Variants in POU6F2 observed in about 807,000 individuals in gnomAD.
The protein encoded by POU6F2 is POU domain, class 6, transcription factor 2.
Under a neutral mutation model 71.3 loss-of-function variants are expected in POU6F2, and 31 were observed. That is an observed-to-expected ratio of 0.43 (90% CI 0.33 to 0.59). POU6F2 has a LOEUF of 0.59. Ranked by LOEUF, POU6F2 falls within the 20% of genes least tolerant of loss-of-function variation. POU6F2 has a pLI of 0.04. For missense variants in POU6F2, 783 were observed against 856.8 expected (o/e 0.91, Z 1.07); for synonymous variants, 347 against 355.7 (o/e 0.98, Z 0.27).
At chr7:39,443,138 G>C (rs1026808164) in intron 7 of POU6F2, among the ~76,000 whole-genome samples, 9 of 152,146 alleles carry the variant, frequency 5.9e-5, no homozygotes, top group Non-Finnish European at 1.2e-4. Flanking sequence ...TCCTACTGCA[G>C]CAACATATGG....
chr7:39,334,734 TG>T (rs1785730400), intron 4 of POU6F2, among the ~76,000 whole-genome samples: 1 of 152,322 alleles, frequency 6.6e-6, no homozygotes, highest in South Asian at 2.1e-4. Context: ...TGGGCATGTG[TG>T]GATGTTCCAT....
intron 7 of POU6F2, among the ~76,000 whole-genome samples, chr7:39,443,599 C>T (rs998463416): frequency 5.9e-5 from 9 of 152,272 alleles, no homozygotes; most frequent in South Asian, 2.1e-4. Context: ...CATGAGAACA[C>T]GCAATCAAGC....
intron 5 of POU6F2, among the ~76,000 whole-genome samples, chr7:39,369,453 T>A (rs1392646640): frequency 1.3e-5 from 2 of 150,038 alleles, no homozygotes; most frequent in Admixed American, 6.7e-5. Flanking sequence ...CCTCGCCTCC[T>A]GGGTTTAAGG....
At chr7:39,088,948 C>G (rs1791310333) in intron 2 of POU6F2, among the ~76,000 whole-genome samples, 1 of 152,170 alleles carries the variant, frequency 6.6e-6, no homozygotes, top group Non-Finnish European at 1.5e-5. Context: ...CCAGGAACCA[C>G]TGGGCCTTTT....
At chr7:39,337,412 TA>T (rs1371580461) in intron 4 of POU6F2, among the ~76,000 whole-genome samples, 1 of 152,184 alleles carries the variant, frequency 6.6e-6, no homozygotes, top group Non-Finnish European at 1.5e-5. Context: ...GAAACCATCA[TA>T]AAAGGGAATA....
At chr7:38,983,944 G>A (rs1460634688) in intron 1 of POU6F2, among the ~76,000 whole-genome samples, 1 of 152,060 alleles carries the variant, frequency 6.6e-6, no homozygotes, top group Non-Finnish European at 1.5e-5. Context: ...TGTTTTATCA[G>A]TAGCTTTAAA....
chr7:39,323,651 T>C (rs929865790), intron 4 of POU6F2, among the ~76,000 whole-genome samples: 1 of 152,236 alleles, frequency 6.6e-6, no homozygotes, highest in Non-Finnish European at 1.5e-5. Context: ...CTGAGAGATA[T>C]CATATTCCCT....
At chr7:39,277,936 A>T (rs1332555553) in intron 4 of POU6F2, among the ~76,000 whole-genome samples, 4 of 152,202 alleles carry the variant, frequency 2.6e-5, no homozygotes, top group Non-Finnish European at 5.9e-5. Context: ...ACGCGCCTGT[A>T]GTCCCAGCTA....
At chr7:39,149,920 C>G (rs1792714072) in intron 2 of POU6F2, among the ~76,000 whole-genome samples, 1 of 145,160 alleles carries the variant, frequency 6.9e-6, no homozygotes, top group Admixed American at 7.1e-5. Flanking sequence ...GAGTCTCGCT[C>G]TGTCGCCCAG....
intron 4 of POU6F2, among the ~76,000 whole-genome samples, chr7:39,263,314 C>T (rs935029475): frequency 6.6e-6 from 1 of 152,042 alleles, no homozygotes; most frequent in African/African-American, 2.4e-5. Context: ...TTTGGTGTTC[C>T]TCCTTTCAAT....
chr7:39,352,695 T>C (rs1317120761), intron 5 of POU6F2, among the ~76,000 whole-genome samples: 2 of 152,218 alleles, frequency 1.3e-5, no homozygotes, highest in Non-Finnish European at 2.9e-5. Context: ...ATTTACTTTA[T>C]AATAATTGGA....
chr7:39,073,387 A>T (rs1790927652), intron 1 of POU6F2, among the ~76,000 whole-genome samples: 1 of 152,024 alleles, frequency 6.6e-6, no homozygotes, highest in African/African-American at 2.4e-5. Flanking sequence ...AAAAAAAAAA[A>T]AAAAAAAACC....
At chr7:39,058,201 G>A (rs1790575334) in intron 1 of POU6F2, among the ~76,000 whole-genome samples, 1 of 152,172 alleles carries the variant, frequency 6.6e-6, no homozygotes, top group Non-Finnish European at 1.5e-5. Flanking sequence ...CAAGTTATCT[G>A]CAGTTCTGTC....
At chr7:39,329,916 A>G (rs1785603275) in intron 4 of POU6F2, among the ~76,000 whole-genome samples, 1 of 152,250 alleles carries the variant, frequency 6.6e-6, no homozygotes, top group Non-Finnish European at 1.5e-5. Flanking sequence ...AGTGCCTAAA[A>G]CATAGGAATT....
intron 2 of POU6F2, among the ~76,000 whole-genome samples, chr7:39,087,666 A>G (rs1406554071): frequency 1.3e-5 from 2 of 152,166 alleles, no homozygotes; most frequent in Non-Finnish European, 2.9e-5. Flanking sequence ...AAGCACTTTG[A>G]CTTTTAAAAA....
intron 4 of POU6F2, among the ~76,000 whole-genome samples, chr7:39,337,962 C>T (rs1228298591): frequency 1.3e-5 from 2 of 152,214 alleles, no homozygotes; most frequent in African/African-American, 2.4e-5. Flanking sequence ...CGTCTGCCAA[C>T]ATCTATCTGC....
chr7:39,093,990 A>C (rs1191867217), intron 2 of POU6F2, among the ~76,000 whole-genome samples: 1 of 152,148 alleles, frequency 6.6e-6, no homozygotes, highest in Non-Finnish European at 1.5e-5. Context: ...AGACTTATTT[A>C]TAATAATAAG....
chr7:39,210,939 C>T (rs966182269), intron 4 of POU6F2, among the ~76,000 whole-genome samples: 10 of 152,150 alleles, frequency 6.6e-5, no homozygotes, highest in African/African-American at 2.2e-4. Context: ...GATTGTATTC[C>T]TCACAGTGCT....
rs759075751 is a variant in POU6F2 at position 39,433,217 on chromosome 7, G to A, written c.1254G>A (p.Gly418=). The A allele has an allele frequency of 5.6e-6, 9 of 1,613,174 alleles. No individual in the cohort carries two copies. The highest frequency in any genetic ancestry group is 8.5e-7 in the Non-Finnish European group (1 of 1,179,734). ...AQGQIIATVI[G]NQILPVINTQ... is the part of the protein sequence containing the mutation. Reference sequence around the variant, plus strand: ...GCCAGATCATCGCCACAGTCATTGGGAACCAGATCCTGCCCGTGATCAACA... The same window carrying A: ...GCCAGATCATCGCCACAGTCATTGGAAACCAGATCCTGCCCGTGATCAACA... The change falls in exon 7 of 10, where the codon GGG becomes GGA. Residue 418 remains glycine (G), a synonymous_variant. Coordinates refer to ENST00000518318, the MANE Select transcript of POU6F2 (RefSeq NM_001370959.1).
Sources: gnomAD v4.1 joint callset for allele counts (sites outside exome capture counted in the v4.1 genomes callset) on GRCh38, gnomAD v4.1.1 for gene constraint, MANE v1.5 for transcripts, NCBI Gene and HGNC (gene_info 2026-07-23, HGNC 2026-07-21) for gene names.